GNG7: variants seen among roughly 807,000 people sequenced by gnomAD.
GNG7 encodes the protein guanine nucleotide-binding protein G(I)/G(S)/G(O) subunit gamma-7.
Under a neutral mutation model 4.0 loss-of-function variants are expected in GNG7, and 1 was observed. That is an observed-to-expected ratio of 0.25 (90% CI 0.09 to 1.18). The LOEUF (loss-of-function observed/expected upper bound fraction) is 1.18, where lower values mean the gene tolerates loss of function less well. Ranked by LOEUF, GNG7 falls within the 50% of genes most tolerant of loss-of-function variation. The pLI is 0.50. For missense variants in GNG7, 86 were observed against 91.9 expected (o/e 0.94, Z 0.26); for synonymous variants, 34 against 36.9 (o/e 0.92, Z 0.29).
At chr19:2,600,582 C>T (rs1981169810) in intron 2 of GNG7, among the ~76,000 whole-genome samples, 1 of 151,554 alleles carries the variant, frequency 6.6e-6, no homozygotes. Flanking sequence ...AGTGATTCTC[C>T]TGCCTCAGCC....
chr19:2,686,640 T>G (rs552239413), intron 1 of GNG7, among the ~76,000 whole-genome samples: 15 of 152,090 alleles, frequency 9.9e-5, no homozygotes, highest in Non-Finnish European at 1.9e-4. Context: ...CTCTCTTCAG[T>G]GTTTGCCGCC....
chr19:2,670,126 G>GTCTC (rs560098954), intron 1 of GNG7, among the ~76,000 whole-genome samples: 6 of 150,332 alleles, frequency 4.0e-5, no homozygotes, highest in Non-Finnish European at 8.9e-5. Flanking sequence ...GAAACTCTCT[G>GTCTC]TCTCTCTCTC....
intron 2 of GNG7, chr19:2,642,342 G>A (rs897409911): frequency 1.3e-5 from 3 of 228,260 alleles, no homozygotes; most frequent in East Asian, 1.1e-4. Flanking sequence ...AGCTGCTAGC[G>A]TTTCCCTGTC....
chr19:2,656,029 C>CAAAAA (rs55687607), intron 1 of GNG7, among the ~76,000 whole-genome samples: 3 of 98,078 alleles, frequency 3.1e-5, no homozygotes, highest in South Asian at 6.3e-4. Flanking sequence ...CGATTCAAAA[C>CAAAAA]AAAAAAAAAA....
chr19:2,676,762 A>G (rs6510693), intron 1 of GNG7, among the ~76,000 whole-genome samples: 48,651 of 151,776 alleles, frequency 0.32, 8,969 homozygotes, highest in East Asian at 0.56. Flanking sequence ...CTGCAGATGG[A>G]GGTTCAGGAG....
At chr19:2,562,006 C>T (rs1304671047) in intron 2 of GNG7, among the ~76,000 whole-genome samples, 1 of 152,088 alleles carries the variant, frequency 6.6e-6, no homozygotes, top group Admixed American at 6.6e-5. Flanking sequence ...TGTTTCTGAG[C>T]TTCGCAGGCT....
intron 1 of GNG7, among the ~76,000 whole-genome samples, chr19:2,665,372 G>GC (rs1983282670): frequency 1.3e-5 from 2 of 149,132 alleles, no homozygotes; most frequent in South Asian, 2.2e-4. Flanking sequence ...GGGGGGGGGG[G>GC]GGCAGGATCA....
At chr19:2,549,705 T>C (rs918600567) in intron 3 of GNG7, among the ~76,000 whole-genome samples, 1 of 147,668 alleles carries the variant, frequency 6.8e-6, no homozygotes, top group African/African-American at 2.5e-5. Flanking sequence ...CTACCACCGC[T>C]GCAGCTACCA....
chr19:2,537,472 C>A (rs190157586), intron 3 of GNG7, among the ~76,000 whole-genome samples: 8 of 152,126 alleles, frequency 5.3e-5, no homozygotes, highest in African/African-American at 1.9e-4. Context: ...TGGTCTCAAG[C>A]GATCCTCCTG....
chr19:2,696,269 GGAGA>G (rs1180129999), intron 1 of GNG7, among the ~76,000 whole-genome samples: 3 of 117,822 alleles, frequency 2.5e-5, no homozygotes, highest in African/African-American at 9.7e-5. Flanking sequence ...AGAAAGAGAA[GGAGA>G]GAAAGAAAAA....
chr19:2,659,592 TAAAAAAAAAAA>T (rs879035849), intron 1 of GNG7, among the ~76,000 whole-genome samples: 2 of 43,474 alleles, frequency 4.6e-5, no homozygotes, highest in Non-Finnish European at 7.7e-5. Context: ...GACTCCATCT[TAAAAAAAAAAA>T]AAAAAAAAGA....
At chr19:2,660,747 T>C (rs745839529) in intron 1 of GNG7, among the ~76,000 whole-genome samples, 1 of 152,166 alleles carries the variant, frequency 6.6e-6, no homozygotes, top group South Asian at 2.1e-4. Context: ...GCCATGCTCA[T>C]ACCACTGCAC....
intron 3 of GNG7, among the ~76,000 whole-genome samples, chr19:2,543,091 T>C (rs1431075672): frequency 6.6e-6 from 1 of 151,860 alleles, no homozygotes; most frequent in Admixed American, 6.6e-5. Context: ...TTTTTATTTT[T>C]ATTTTTTTGT....
intron 2 of GNG7, among the ~76,000 whole-genome samples, chr19:2,600,443 G>A (rs1039585605): frequency 8.6e-5 from 13 of 150,978 alleles, no homozygotes; most frequent in African/African-American, 3.2e-4. Context: ...GAGACTGGGA[G>A]GAAGGAGACC....
At chr19:2,607,661 A>C (rs1981433704) in intron 2 of GNG7, among the ~76,000 whole-genome samples, 1 of 151,944 alleles carries the variant, frequency 6.6e-6, no homozygotes, top group Non-Finnish European at 1.5e-5. Flanking sequence ...TTTTAACAAC[A>C]CATAAAACCC....
At chr19:2,642,737 T>C (rs999138637) in intron 2 of GNG7, 5 of 453,034 alleles carry the variant, frequency 1.1e-5, no homozygotes, top group Non-Finnish European at 2.2e-5. Context: ...CAAGCCATCC[T>C]CCTGCCTTGG....
rs556271483 is a variant in GNG7 at position 2,605,899 on chromosome 19, T to G, written c.-78+40325A>C. 1.2e-4 allele frequency among the ~76,000 whole-genome samples: 18 copies of G among 152,318 alleles called. No homozygotes were observed. The South Asian group carries it at 3.7e-3, about 32-fold the overall frequency. On this transcript the variant is annotated intron_variant, in intron 2 of 4. Coordinates refer to ENST00000382159, the MANE Select transcript of GNG7 (RefSeq NM_052847.3). ...ATCTGCCGTCTGAAGATCCTTCATGTGATCACTTCTGCGACCTCTTTGTCC... is the reference window on the plus strand; with the variant it reads ...ATCTGCCGTCTGAAGATCCTTCATGGGATCACTTCTGCGACCTCTTTGTCC...
intron 2 of GNG7, among the ~76,000 whole-genome samples, chr19:2,569,840 G>A (rs1009823917): frequency 2.6e-4 from 39 of 152,200 alleles, no homozygotes; most frequent in Non-Finnish European, 3.5e-4. Context: ...GACATCTCCC[G>A]GTGTCCCCTG....
chr19:2,517,566 TG>T (rs1978290786), intron 4 of GNG7, among the ~76,000 whole-genome samples: 1 of 152,096 alleles, frequency 6.6e-6, no homozygotes, highest in South Asian at 2.1e-4. Flanking sequence ...GGTTTCACCA[TG>T]TTGGCCAGGC....
Sources: allele counts gnomAD v4.1 joint callset (sites outside exome capture counted in the v4.1 genomes callset), GRCh38; gene constraint gnomAD v4.1.1; transcripts MANE v1.5; gene names NCBI Gene and HGNC (gene_info 2026-07-23, HGNC 2026-07-21).